Variants in HPS5 observed in about 807,000 individuals in gnomAD.
The protein encoded by HPS5 is BLOC-2 complex member HPS5.
A neutral mutation model predicts 128.0 loss-of-function variants in HPS5; 83 were observed. That is an observed-to-expected ratio of 0.65 (90% CI 0.54 to 0.78). The LOEUF is 0.78. HPS5 is among the 30% of genes least tolerant of loss of function. The pLI is 0.00. For synonymous variants in HPS5, 475 were observed against 470.2 expected (o/e 1.01, Z -0.13); for missense variants, 1,281 against 1,326.2 (o/e 0.97, Z 0.53).
At chr11:18,297,520 T>C (rs200621555) in intron 11 of HPS5, 39 bp downstream of exon 11, 2 of 1,591,016 alleles carry the variant, frequency 1.3e-6, no homozygotes, top group Non-Finnish European at 1.7e-6. Context: ...GATGGAAAAA[T>C]CTTACCCTAC....
intron 2 of HPS5, among the ~76,000 whole-genome samples, chr11:18,317,119 G>A (rs528564622): frequency 7.6e-4 from 115 of 151,890 alleles, no homozygotes; most frequent in African/African-American, 2.6e-3. Flanking sequence ...GTGTGAACCC[G>A]GGAGGCGGAG....
In HPS5 at chr11:18,287,588, A is replaced by C. The variant is rs941862204; in HGVS notation, c.2664T>G (p.Ala888=). ...DIIQLCHHHP[A]EFLAYLDSLV... is the part of the protein sequence containing the mutation. Reference sequence around the variant, plus strand: ...GACTGTCTAAATAGGCCAAAAACTCAGCAGGATGATGATGACAAAGTTGTA... The same window carrying C: ...GACTGTCTAAATAGGCCAAAAACTCCGCAGGATGATGATGACAAAGTTGTA... The change falls in exon 18 of 23, where the codon GCT becomes GCG. Residue 888 remains alanine (A), a synonymous_variant. Transcript: ENST00000349215. 1 of 1,614,208 alleles carries C rather than the reference A, an allele frequency of 6.2e-7. No homozygotes were observed. Among genetic ancestry groups the C allele is most frequent in the Admixed American group, 1.7e-5 (1 of 60,028 alleles).
At chr11:18,310,655 G>T in intron 5 of HPS5, 86 bp downstream of exon 5, 1 of 1,125,968 alleles carries the variant, frequency 8.9e-7, no homozygotes, top group Admixed American at 2.1e-5. Flanking sequence ...AAATACAGTA[G>T]ATAAAATCAC....
At position 18,294,990 on chromosome 11, in the gene HPS5, A is replaced by C. The variant is rs779571867; in HGVS notation, c.1784+30T>G. 7 of 1,613,052 alleles carry C rather than the reference A, an allele frequency of 4.3e-6. No homozygotes were observed. The South Asian group carries it at 4.4e-5, about 10-fold the overall frequency. ...AAAACTGACAGCTGGATTCCCTAGA[A>C]TGTATAGAGATTTATGTGTAAGGGC... On this transcript the variant is annotated intron_variant, in intron 14 of 22. Transcript: ENST00000349215.
rs1860901538 is a variant in HPS5, at chr11:18,295,108, G to T, written c.1696C>A (p.Leu566Met). 1 of 1,614,054 alleles carries T rather than the reference G, an allele frequency of 6.2e-7. No individual in the cohort carries two copies. Among genetic ancestry groups the T allele is most frequent in the Admixed American group, 1.7e-5 (1 of 60,008 alleles). Reference protein sequence around the residue: ...KIGTLHTSPDLKVRPELRGDE... With the variant: ...KIGTLHTSPDMKVRPELRGDE... ...CCCCTGAGCTCTGGTCTCACTTTCA[G>T]ATCAGGGCTCGTGTGAAGGGTGCCA... The change falls in exon 14 of 23, where the codon CTG becomes ATG. Residue 566 changes from leucine to methionine, a missense_variant. Leu to Met is a conservative substitution (Grantham distance 15). Coordinates refer to ENST00000349215, the MANE Select transcript of HPS5 (RefSeq NM_181507.2).
chr11:18,294,398 G>A (rs77605792), intron 14 of HPS5, among the ~76,000 whole-genome samples: 5,134 of 151,916 alleles, frequency 0.034, 289 homozygotes, highest in African/African-American at 0.12. Flanking sequence ...AGCACATTTT[G>A]GATCTTACAG....
At chr11:18,294,304 T>C (rs1013631206) in intron 14 of HPS5, among the ~76,000 whole-genome samples, 1 of 152,206 alleles carries the variant, frequency 6.6e-6, no homozygotes, top group Non-Finnish European at 1.5e-5. Flanking sequence ...TAAAGTATTA[T>C]ACTCATGTTA....
chr11:18,295,653 GAA>G (rs1426523748), intron 13 of HPS5, among the ~76,000 whole-genome samples: 2 of 152,198 alleles, frequency 1.3e-5, no homozygotes, highest in Non-Finnish European at 2.9e-5. Flanking sequence ...GGAGTAGCTA[GAA>G]AAGAATTCTG....
At position 18,280,052 on chromosome 11, in the gene HPS5, G is replaced by A. The variant is rs369541429; in HGVS notation, c.3330-110C>T. On this transcript the variant is annotated intron_variant, in intron 22 of 22. Transcript: ENST00000349215. Reference sequence around the variant, plus strand: ...AGGATTCAAAAAGTTGACTGATTCTGTGCATTAAAAGACACAATGCACAGA... The same window carrying A: ...AGGATTCAAAAAGTTGACTGATTCTATGCATTAAAAGACACAATGCACAGA... 12 of 1,132,052 alleles carry A rather than the reference G, an allele frequency of 1.1e-5. No homozygotes were observed. In the African/African-American group the frequency reaches 1.5e-4, roughly 15 times the overall value. The allele number at this position is 1,132,052 out of a possible 1,614,324, so 70.1% of individuals were successfully genotyped here.
rs1382853592 is a variant in HPS5 at position 18,287,896 on chromosome 11, G to A, written c.2558C>T (p.Thr853Ile). The A allele has an allele frequency of 1.9e-6, 3 of 1,613,846 alleles. No individual in the cohort carries two copies. The highest frequency in any genetic ancestry group is 2.7e-5 in the African/African-American group (2 of 74,898). ...AACAATATACAGGACAACTTACCGG[G>A]TAGCATAAACAACCAACAACGGACT... ...FDSPLLVVYA[T>I]RLYEKFGESA... The change falls in exon 17 of 23, where the codon ACC (threonine) becomes ATC (isoleucine). Residue 853 changes from threonine to isoleucine, a missense_variant. Coordinates refer to ENST00000349215, the MANE Select transcript of HPS5 (RefSeq NM_181507.2).
intron 3 of HPS5, 164 bp downstream of exon 3, chr11:18,311,750 A>G: frequency 1.5e-6 from 1 of 686,286 alleles, no homozygotes; most frequent in Non-Finnish European, 2.6e-6. Context: ...ACCTCAGGTA[A>G]TCCATCCGCC....
intron 6 of HPS5, among the ~76,000 whole-genome samples, chr11:18,306,555 G>T (rs1862398330): frequency 6.6e-6 from 1 of 152,160 alleles, no homozygotes; most frequent in Non-Finnish European, 1.5e-5. Context: ...ATGACAGGAA[G>T]CAAATCATTT....
intron 2 of HPS5, among the ~76,000 whole-genome samples, chr11:18,316,467 T>C (rs1863642255): frequency 6.6e-6 from 1 of 152,236 alleles, no homozygotes; most frequent in African/African-American, 2.4e-5. Context: ...ATCAAATATA[T>C]TACTTTCTGA....
intron 1 of HPS5, among the ~76,000 whole-genome samples, chr11:18,319,407 C>A (rs936387649): frequency 5.3e-5 from 8 of 151,988 alleles, no homozygotes; most frequent in African/African-American, 1.7e-4. Flanking sequence ...AGTACTGATG[C>A]TGACTAGGCT....
intron 12 of HPS5, 56 bp downstream of exon 12, chr11:18,296,742 A>G (rs1861115110): frequency 6.9e-7 from 1 of 1,455,326 alleles, no homozygotes; most frequent in South Asian, 1.1e-5. Context: ...TGGTAACAGG[A>G]GCTCGTGGAA....
At chr11:18,281,296 AT>A (rs1858908236) in intron 22 of HPS5, among the ~76,000 whole-genome samples, 1 of 142,198 alleles carries the variant, frequency 7.0e-6, no homozygotes, top group Non-Finnish European at 1.5e-5. Context: ...GTTTCACCAT[AT>A]TGGTTAGGCT....
intron 2 of HPS5, among the ~76,000 whole-genome samples, chr11:18,312,950 T>C (rs960768246): frequency 2.6e-5 from 4 of 152,230 alleles, no homozygotes; most frequent in Admixed American, 1.3e-4. Context: ...CACCATACTG[T>C]AATTTGCAGC....
At chr11:18,311,496 A>ATTT (rs763262516) in intron 3 of HPS5, 45 bp from the exon 4 acceptor site, 6 of 754,096 alleles carry the variant, frequency 8.0e-6, no homozygotes, top group Non-Finnish European at 1.2e-5. Context: ...CAAGTTTTAC[A>ATTT]TTATTATTAT....
intron 20 of HPS5, among the ~76,000 whole-genome samples, chr11:18,284,146 A>G (rs1198103315): frequency 6.6e-6 from 1 of 151,912 alleles, no homozygotes; most frequent in Non-Finnish European, 1.5e-5. Context: ...AGAAAGTTCT[A>G]TTAGATGACC....
Sources: gnomAD v4.1 joint callset for allele counts (sites outside exome capture counted in the v4.1 genomes callset) on GRCh38, gnomAD v4.1.1 for gene constraint, MANE v1.5 for transcripts, NCBI Gene and HGNC (gene_info 2026-07-23, HGNC 2026-07-21) for gene names.